AK5: variants seen among roughly 807,000 people sequenced by gnomAD.
AK5 encodes adenylate kinase 5.
In AK5, 27 loss-of-function variants were observed where a neutral mutation model predicts 69.5. The observed-to-expected ratio is 0.39, with a 90% CI of 0.29 to 0.54. The LOEUF is 0.54. Among genes scored for constraint, AK5 ranks in the 20% least tolerant of loss-of-function variants. The pLI is 0.71. For missense variants in AK5, 531 were observed against 700.4 expected, an observed-to-expected ratio of 0.76 and a Z score of 2.73; for synonymous variants, 260 against 244.4, an observed-to-expected ratio of 1.06 and a Z score of -0.60.
chr1:77,293,357 T>C (rs1240932553), intron 2 of AK5, among the ~76,000 whole-genome samples: 1 of 152,186 alleles, frequency 6.6e-6, no homozygotes, highest in East Asian at 1.9e-4. Flanking sequence ...GGTTATGTAC[T>C]ACATAACTCC....
chr1:77,389,134 T>G (rs908793140), intron 6 of AK5, among the ~76,000 whole-genome samples: 1 of 152,200 alleles, frequency 6.6e-6, no homozygotes, highest in Non-Finnish European at 1.5e-5. Flanking sequence ...TGTGGGACCC[T>G]GTGAGGTATG....
At chr1:77,367,569 AT>A (rs1331641362) in intron 6 of AK5, among the ~76,000 whole-genome samples, 4 of 31,626 alleles carry the variant, frequency 1.3e-4, no homozygotes, top group African/African-American at 1.9e-4. Context: ...ATATATATAT[AT>A]ATATATATAA....
chr1:77,399,953 T>C (rs896953660), intron 6 of AK5, among the ~76,000 whole-genome samples: 11 of 152,212 alleles, frequency 7.2e-5, no homozygotes, highest in African/African-American at 2.7e-4. Flanking sequence ...CATCTGCCTC[T>C]TGCAGTCAAC....
At chr1:77,301,564 C>A (rs1372183536) in intron 5 of AK5, among the ~76,000 whole-genome samples, 3 of 152,314 alleles carry the variant, frequency 2.0e-5, no homozygotes, top group South Asian at 2.1e-4. Context: ...CCCACACATA[C>A]AATGTACTCA....
At chr1:77,435,719 C>G (rs369143309) in intron 8 of AK5, among the ~76,000 whole-genome samples, 1 of 151,274 alleles carries the variant, frequency 6.6e-6, no homozygotes, top group Non-Finnish European at 1.5e-5. Flanking sequence ...AAGACTTTCA[C>G]AAATTTTACT....
In AK5 at chr1:77,489,628, A is replaced by G. The variant is rs530605171; in HGVS notation, c.1147+3276A>G. Among the ~76,000 whole-genome samples, 11 of 152,326 alleles carry G rather than the reference A, an allele frequency of 7.2e-5. No homozygotes were observed. In the East Asian group the frequency reaches 1.5e-3, roughly 21 times the overall value. On this transcript the variant is annotated intron_variant, in intron 10 of 13. Coordinates refer to ENST00000354567, the MANE Select transcript of AK5 (RefSeq NM_174858.3). ...AGATGACTGGATTGTCACTTTTCAA[A>G]TTATTGTCTTGGCATATACCCGAAA...
intron 5 of AK5, among the ~76,000 whole-genome samples, chr1:77,310,719 C>A (rs1293258486): frequency 1.3e-5 from 2 of 151,972 alleles, no homozygotes; most frequent in Non-Finnish European, 2.9e-5. Flanking sequence ...TACATTTATT[C>A]TTCTTTATAA....
At chr1:77,339,541 G>A (rs549380993) in intron 5 of AK5, among the ~76,000 whole-genome samples, 6 of 152,124 alleles carry the variant, frequency 3.9e-5, no homozygotes, top group African/African-American at 1.2e-4. Context: ...TTACTTTACT[G>A]ACCATGTGAT....
intron 5 of AK5, among the ~76,000 whole-genome samples, chr1:77,305,910 T>A (rs1659609416): frequency 6.6e-6 from 1 of 152,200 alleles, no homozygotes. Context: ...AGGGATTAGA[T>A]TGAATCTATA....
At chr1:77,389,237 C>T (rs1648255292) in intron 6 of AK5, among the ~76,000 whole-genome samples, 1 of 152,144 alleles carries the variant, frequency 6.6e-6, no homozygotes, top group African/African-American at 2.4e-5. Flanking sequence ...AAGCCAAGAC[C>T]ACATCTGCCT....
chr1:77,374,857 T>TGA (rs1398163142), intron 6 of AK5, among the ~76,000 whole-genome samples: 8 of 152,200 alleles, frequency 5.3e-5, no homozygotes, highest in African/African-American at 1.2e-4. Flanking sequence ...GAAAAATCAG[T>TGA]TAAATATTCA....
intron 6 of AK5, among the ~76,000 whole-genome samples, chr1:77,368,243 AT>A (rs1557535464): frequency 1.7e-4 from 3 of 17,666 alleles, no homozygotes; most frequent in South Asian, 5.3e-3. Context: ...ATATATATAT[AT>A]ATATATATAA....
At chr1:77,374,611 G>A (rs550410134) in intron 6 of AK5, among the ~76,000 whole-genome samples, 1 of 152,110 alleles carries the variant, frequency 6.6e-6, no homozygotes, top group African/African-American at 2.4e-5. Flanking sequence ...CATCAGGCCA[G>A]TAGTGCGAGA....
chr1:77,511,793 G>A (rs2100292127), intron 10 of AK5, among the ~76,000 whole-genome samples: 1 of 152,314 alleles, frequency 6.6e-6, no homozygotes, highest in East Asian at 1.9e-4. Context: ...AACTGAAGTA[G>A]GGCAAAGGAT....
chr1:77,287,320 G>C (rs900595547), intron 2 of AK5, among the ~76,000 whole-genome samples, 193 bp downstream of exon 2: 4 of 152,202 alleles, frequency 2.6e-5, no homozygotes, highest in Admixed American at 2.6e-4. Flanking sequence ...ATCTACCATT[G>C]TCCAACAATT....
At chr1:77,435,333 T>C (rs776264387) in intron 8 of AK5, among the ~76,000 whole-genome samples, 11 of 152,178 alleles carry the variant, frequency 7.2e-5, no homozygotes, top group Middle Eastern at 6.8e-3. Flanking sequence ...ACTTTTAATT[T>C]GAAACTAGGG....
chr1:77,448,405 C>T (rs576203722), intron 8 of AK5, among the ~76,000 whole-genome samples: 3 of 152,292 alleles, frequency 2.0e-5, no homozygotes, highest in South Asian at 2.1e-4. Context: ...TGGGTCTCCT[C>T]TCCGCTGAGG....
At chr1:77,417,823 CA>C (rs1415083225) in intron 8 of AK5, 108 bp downstream of exon 8, 1 of 655,916 alleles carries the variant, frequency 1.5e-6, no homozygotes, top group East Asian at 2.9e-5. Flanking sequence ...GAAATATATA[CA>C]GATAACTAAT....
At chr1:77,348,835 A>G (rs1471387323) in intron 6 of AK5, among the ~76,000 whole-genome samples, 1 of 152,252 alleles carries the variant, frequency 6.6e-6, no homozygotes, top group East Asian at 1.9e-4. Flanking sequence ...TAATGTTGAC[A>G]ATAATGTCAA....
Sources: gnomAD v4.1 joint callset for allele counts (sites outside exome capture counted in the v4.1 genomes callset) on GRCh38, gnomAD v4.1.1 for gene constraint, MANE v1.5 for transcripts, NCBI Gene and HGNC (gene_info 2026-07-23, HGNC 2026-07-21) for gene names.